Variants in TSHZ3 observed in about 807,000 individuals in gnomAD.
TSHZ3 encodes the protein teashirt homolog 3.
In TSHZ3, 10 loss-of-function variants were observed where a neutral mutation model predicts 64.5. That is an observed-to-expected ratio of 0.16 (90% CI 0.10 to 0.26). The LOEUF (loss-of-function observed/expected upper bound fraction) is 0.26, where lower values mean the gene tolerates loss of function less well. Among genes scored for constraint, TSHZ3 ranks in the 10% least tolerant of loss-of-function variants. The probability of loss-of-function intolerance (pLI) is 1.00; values close to 1 mark genes in which losing one functional copy is unlikely to be tolerated. For synonymous variants in TSHZ3, 608 were observed against 593.1 expected, an observed-to-expected ratio of 1.03 and a Z score of -0.36; for missense variants, 1,242 against 1,421.7, an observed-to-expected ratio of 0.87 and a Z score of 2.03.
intron 1 of TSHZ3, among the ~76,000 whole-genome samples, chr19:31,296,991 G>A (rs1426495347): frequency 6.6e-6 from 1 of 152,252 alleles, no homozygotes; most frequent in African/African-American, 2.4e-5. Flanking sequence ...GGCAAACTAT[G>A]TGCTGCAGTC....
chr19:31,173,991 C>T (rs1344941816), intron 5 of TSHZ3, among the ~76,000 whole-genome samples: 1 of 152,206 alleles, frequency 6.6e-6, no homozygotes, highest in East Asian at 1.9e-4. Flanking sequence ...TCACTTGAAC[C>T]CAGGAGGTGG....
chr19:31,176,998 C>A (rs1974618487), intron 5 of TSHZ3, among the ~76,000 whole-genome samples: 1 of 152,148 alleles, frequency 6.6e-6, no homozygotes, highest in Non-Finnish European at 1.5e-5. Flanking sequence ...ACCCTCCATC[C>A]TGGCAATGCC....
chr19:31,165,747 G>A (rs1974441982), intron 5 of TSHZ3, among the ~76,000 whole-genome samples: 1 of 152,176 alleles, frequency 6.6e-6, no homozygotes, highest in African/African-American at 2.4e-5. Context: ...GGACTATGCA[G>A]GGTGTAACTC....
chr19:31,216,759 C>A (rs927369535), intron 4 of TSHZ3, among the ~76,000 whole-genome samples: 1 of 152,126 alleles, frequency 6.6e-6, no homozygotes, highest in Non-Finnish European at 1.5e-5. Flanking sequence ...GCCTCTCTCC[C>A]GAGTAGCTGG....
intron 6 of TSHZ3, among the ~76,000 whole-genome samples, chr19:31,153,201 G>A (rs2145095444): frequency 6.6e-6 from 1 of 152,252 alleles, no homozygotes; most frequent in South Asian, 2.1e-4. Context: ...AGATACTGAT[G>A]TATAAAGGCC....
At chr19:31,217,335 G>GATGAGGTCAGGGAGATGGAGCAT (rs1271120715) in intron 4 of TSHZ3, among the ~76,000 whole-genome samples, 4 of 152,190 alleles carry the variant, frequency 2.6e-5, no homozygotes, top group African/African-American at 9.7e-5. Flanking sequence ...AGATGGAGCA[G>GATGAGGTCAGGGAGATGGAGCAT]ATGAGGTCAA....
chr19:31,164,746 G>A (rs1488471989), intron 5 of TSHZ3, among the ~76,000 whole-genome samples: 1 of 152,136 alleles, frequency 6.6e-6, no homozygotes, highest in Non-Finnish European at 1.5e-5. Context: ...CTCTCCCCGG[G>A]GTGAGGTGCA....
intron 1 of TSHZ3, among the ~76,000 whole-genome samples, chr19:31,280,889 C>T (rs554539724): frequency 1.2e-4 from 19 of 152,110 alleles, no homozygotes; most frequent in Non-Finnish European, 1.9e-4. Flanking sequence ...CTCTTGCATT[C>T]GGTGACTTGG....
chr19:31,169,649 A>G lies in TSHZ3; in HGVS notation n.810-13232T>C, dbSNP rs534640746. On this transcript the variant is annotated intron_variant and non_coding_transcript_variant, in intron 5 of 6. Transcript: ENST00000651361. ...ATTATGTGTGTTCTACCACAATGAA[A>G]AAAAAGGAGGTTTGTGTCTGGTCCT... is the stretch of plus-strand genomic sequence containing the variant. 1.5e-3 allele frequency among the ~76,000 whole-genome samples: 228 copies of G among 152,282 alleles called. 2 individuals are homozygous for G. The highest frequency in any genetic ancestry group is 3.0e-3 in the Non-Finnish European group (202 of 68,014).
At position 31,310,409 on chromosome 19, in the gene TSHZ3, C is replaced by T. The variant is rs1311451642; in HGVS notation, c.41-30657G>A. Reference sequence around the variant, plus strand: ...TTTCCTTTTCTTTTTGGTGCAGCACCGATCCTGTGCACTGGTGTCCAGGGT... The same window carrying T: ...TTTCCTTTTCTTTTTGGTGCAGCACTGATCCTGTGCACTGGTGTCCAGGGT... On this transcript the variant is annotated intron_variant, in intron 1 of 1. Coordinates refer to ENST00000240587, the MANE Select transcript of TSHZ3 (RefSeq NM_020856.4). Among the ~76,000 whole-genome samples, 5 of 152,190 alleles carry T rather than the reference C, an allele frequency of 3.3e-5. No individual in the cohort carries two copies. The South Asian group carries it at 6.2e-4, about 19-fold the overall frequency.
intron 1 of TSHZ3, among the ~76,000 whole-genome samples, chr19:31,304,867 C>T (rs879497758): frequency 8.5e-5 from 13 of 152,194 alleles, no homozygotes; most frequent in Non-Finnish European, 1.5e-4. Context: ...CGCGATTCCC[C>T]GCAGCGCACT....
In TSHZ3 at chr19:31,159,305, C is replaced by T. The variant is rs55992840; in HGVS notation, n.810-2888G>A. 8.6e-3 allele frequency among the ~76,000 whole-genome samples: 1,313 copies of T among 151,926 alleles called. 19 individuals carry two copies. The highest frequency in any genetic ancestry group is 0.03 in the African/African-American group (1,222 of 41,422). The stretch of plus-strand genomic sequence containing the variant: ...CATGAGCCACCATGCCCAGCCATCC[C>T]TCTTCTACTTTTAAGGACCTTCGTG... On this transcript the variant is annotated intron_variant and non_coding_transcript_variant, in intron 5 of 6. Coordinates refer to the TSHZ3 transcript ENST00000651361.
intron 1 of TSHZ3, among the ~76,000 whole-genome samples, chr19:31,260,592 C>T (rs1975972166): frequency 6.6e-6 from 1 of 152,138 alleles, no homozygotes; most frequent in Non-Finnish European, 1.5e-5. Flanking sequence ...TAGTCTTTTT[C>T]CAGGAAAAAT....
At chr19:31,320,707 C>T (rs988373454) in intron 1 of TSHZ3, among the ~76,000 whole-genome samples, 4 of 152,176 alleles carry the variant, frequency 2.6e-5, no homozygotes, top group Non-Finnish European at 5.9e-5. Context: ...ATGGCCACTG[C>T]GCCTGAGTCT....
At chr19:31,255,466 C>A (rs756822796) in intron 1 of TSHZ3, among the ~76,000 whole-genome samples, 9 of 152,154 alleles carry the variant, frequency 5.9e-5, no homozygotes, top group Non-Finnish European at 1.3e-4. Flanking sequence ...CAAAATCATA[C>A]CCGGCCTTAT....
intron 5 of TSHZ3, among the ~76,000 whole-genome samples, chr19:31,161,050 T>G (rs1351252831): frequency 6.6e-6 from 1 of 152,224 alleles, no homozygotes; most frequent in Non-Finnish European, 1.5e-5. Flanking sequence ...AAGTTAAATT[T>G]TATTTAACAT....
intron 1 of TSHZ3, among the ~76,000 whole-genome samples, chr19:31,331,995 TC>T (rs1917109615): frequency 6.6e-6 from 1 of 152,094 alleles, no homozygotes; most frequent in Non-Finnish European, 1.5e-5. Flanking sequence ...CCAAGGGTGT[TC>T]CCTTCTCAAC....
At chr19:31,319,241 C>A (rs1019865174) in intron 1 of TSHZ3, among the ~76,000 whole-genome samples, 1 of 152,244 alleles carries the variant, frequency 6.6e-6, no homozygotes, top group Non-Finnish European at 1.5e-5. Context: ...CCTGCCAAGA[C>A]GGCTGGCTCA....
At chr19:31,280,088 T>C (rs1165247870) in intron 1 of TSHZ3, among the ~76,000 whole-genome samples, 4 of 152,130 alleles carry the variant, frequency 2.6e-5, no homozygotes, top group Non-Finnish European at 5.9e-5. Flanking sequence ...TCTAAAGTAA[T>C]AAATTACTTG....
Sources: gnomAD v4.1 joint callset for allele counts (sites outside exome capture counted in the v4.1 genomes callset) on GRCh38, gnomAD v4.1.1 for gene constraint, MANE v1.5 for transcripts, NCBI Gene and HGNC (gene_info 2026-07-23, HGNC 2026-07-21) for gene names.